Variants in FBXO8 observed in about 807,000 individuals in gnomAD.
FBXO8 encodes F-box only protein 8.
FBXO8 carries 15 observed loss-of-function variants against 33.4 expected under a neutral mutation model. The observed-to-expected ratio is 0.45, with a 90% CI of 0.30 to 0.69. FBXO8 has a LOEUF of 0.69. Ranked by LOEUF, FBXO8 falls within the 30% of genes least tolerant of loss-of-function variation. The pLI is 0.08. For synonymous variants in FBXO8, 132 were observed against 131.5 expected (o/e 1.00, Z -0.02); for missense variants, 274 against 380.3 (o/e 0.72, Z 2.32).
intron 4 of FBXO8, among the ~76,000 whole-genome samples, chr4:174,239,565 T>A (rs370967897): frequency 3.1e-4 from 47 of 152,038 alleles, no homozygotes; most frequent in African/African-American, 1.1e-3. Flanking sequence ...GTAATGACAG[T>A]CTCCACCTAT....
chr4:174,254,215 G>T lies in FBXO8; in HGVS notation c.456+5484C>A, dbSNP rs1367437186. Among the ~76,000 whole-genome samples, 1 of 152,152 alleles carries T rather than the reference G, an allele frequency of 6.6e-6. No individual in the cohort carries two copies. The highest frequency in any genetic ancestry group is 1.9e-4 in the East Asian group (1 of 5,190). On this transcript the variant is annotated intron_variant, in intron 3 of 5. Coordinates refer to ENST00000393674, the MANE Select transcript of FBXO8 (RefSeq NM_012180.3). This position sits in a 1 kb window ranked among gnomAD's most constrained non-coding sequence, Gnocchi z 4.2. ...AGATCTTAGTTTATATCACAGCCAA[G>T]AATTAGAATTTCGAGTTTATCTTTC... is the stretch of plus-strand genomic sequence containing the variant.
At chr4:174,249,933 G>C (rs565898647) in intron 3 of FBXO8, among the ~76,000 whole-genome samples, 49 of 152,060 alleles carry the variant, frequency 3.2e-4, no homozygotes, top group African/African-American at 1.2e-3. Context: ...AGGACCATTC[G>C]TCAGGTGTCA....
intron 3 of FBXO8, among the ~76,000 whole-genome samples, chr4:174,246,904 C>T (rs1418836865): frequency 6.6e-6 from 1 of 151,848 alleles, no homozygotes; most frequent in African/African-American, 2.4e-5. Context: ...GATTCTTGGG[C>T]AAAGTGGTGA....
At chr4:174,249,871 G>A (rs1293533694) in intron 3 of FBXO8, among the ~76,000 whole-genome samples, 1 of 151,882 alleles carries the variant, frequency 6.6e-6, no homozygotes, top group East Asian at 1.9e-4. Flanking sequence ...TAAAGACAAA[G>A]GGTATCATTT....
At chr4:174,242,770 C>T (rs1198753388) in intron 3 of FBXO8, among the ~76,000 whole-genome samples, 2 of 151,458 alleles carry the variant, frequency 1.3e-5, no homozygotes, top group African/African-American at 4.8e-5. Flanking sequence ...TCCTTTCCTC[C>T]ATTAGTTTGA....
intron 4 of FBXO8, among the ~76,000 whole-genome samples, chr4:174,239,538 T>C (rs1352939621): frequency 6.6e-6 from 1 of 151,930 alleles, no homozygotes; most frequent in Admixed American, 6.6e-5. Flanking sequence ...GAATTGTTTA[T>C]TTTTCAAATT....
intron 3 of FBXO8, among the ~76,000 whole-genome samples, chr4:174,244,920 C>T (rs577953816): frequency 7.9e-4 from 120 of 151,722 alleles, no homozygotes; most frequent in African/African-American, 2.8e-3. Context: ...ATTCACTTTA[C>T]ATTTAGATAG....
intron 1 of FBXO8, among the ~76,000 whole-genome samples, chr4:174,280,008 T>TA (rs199672746): frequency 7.9e-4 from 119 of 150,626 alleles, no homozygotes; most frequent in African/African-American, 2.6e-3. Context: ...TTATGAAAAT[T>TA]AAAAAAAAAT....
chr4:174,259,698 C>A lies in FBXO8; in HGVS notation c.456+1G>T. 1 of 1,608,058 alleles carries A rather than the reference C, an allele frequency of 6.2e-7. No individual in the cohort carries two copies. Among genetic ancestry groups the A allele is most frequent in the Non-Finnish European group, 8.5e-7 (1 of 1,177,810 alleles). On this transcript the variant is annotated splice_donor_variant, in intron 3 of 5. Coordinates refer to ENST00000393674, the MANE Select transcript of FBXO8 (RefSeq NM_012180.3). LOFTEE classifies it high-confidence loss of function. This position sits in a 1 kb window ranked among gnomAD's most constrained non-coding sequence, Gnocchi z 4.3. ...TACAAATATTCAAGTTCTTCACTAA[C>A]CTCATCTGGGTTGGCATTAAAGGTG...
At position 174,272,166 on chromosome 4, in the gene FBXO8, C is replaced by T. The variant is rs1161918420; in HGVS notation, c.-8-9066G>A. Reference sequence around the variant, plus strand: ...AGGCTTCTATTGGCCAAACCTGGAACATCAAAATAAAAATGACAGTAATGA... The same window carrying T: ...AGGCTTCTATTGGCCAAACCTGGAATATCAAAATAAAAATGACAGTAATGA... On this transcript the variant is annotated intron_variant, in intron 1 of 5. Coordinates refer to ENST00000393674, the MANE Select transcript of FBXO8 (RefSeq NM_012180.3). The surrounding 1 kb of genome is among the most constrained non-coding windows in gnomAD (Gnocchi z 4.7). Among the ~76,000 whole-genome samples, 1 of 152,176 alleles carries T rather than the reference C, an allele frequency of 6.6e-6. No individual in the cohort carries two copies. The highest frequency in any genetic ancestry group is 1.5e-5 in the Non-Finnish European group (1 of 68,020).
At chr4:174,250,006 G>A (rs1221713349) in intron 3 of FBXO8, among the ~76,000 whole-genome samples, 1 of 151,958 alleles carries the variant, frequency 6.6e-6, no homozygotes, top group Admixed American at 6.6e-5. Context: ...CTAGAACAGT[G>A]CCTGGTTCTT....
At position 174,265,866 on chromosome 4, in the gene FBXO8, C is replaced by G. The variant is rs767192249; in HGVS notation, c.-8-2766G>C. On this transcript the variant is annotated intron_variant, in intron 1 of 5. Coordinates refer to ENST00000393674, the MANE Select transcript of FBXO8 (RefSeq NM_012180.3). This position sits in a 1 kb window ranked among gnomAD's most constrained non-coding sequence, Gnocchi z 4.7. ...TCACCATTGCTATTCCTCTATTTAA[C>G]TTAGCAAGAAAATATCTAGAAATCA... 6.6e-6 allele frequency among the ~76,000 whole-genome samples: 1 copy of G among 152,108 alleles called. No individual in the cohort carries two copies. The highest frequency in any genetic ancestry group is 1.9e-4 in the East Asian group (1 of 5,194).
chr4:174,266,746 GTT>G (rs1736705055), intron 1 of FBXO8, among the ~76,000 whole-genome samples: 1 of 152,054 alleles, frequency 6.6e-6, no homozygotes, highest in African/African-American at 2.4e-5. Flanking sequence ...CTGAGCTTTA[GTT>G]TCTTCATGTA....
chr4:174,248,152 A>T (rs910036622), intron 3 of FBXO8, among the ~76,000 whole-genome samples: 1 of 151,992 alleles, frequency 6.6e-6, no homozygotes, highest in Non-Finnish European at 1.5e-5. Context: ...CTACCCACTA[A>T]ATTTTGTAAT....
Position 174,253,106 on chromosome 4 carries a change from AACTCTGG to A in FBXO8, c.456+6586_456+6592del, listed in dbSNP as rs1736333012. Among the ~76,000 whole-genome samples the A allele has an allele frequency of 6.6e-6, 1 of 152,208 alleles. No individual in the cohort carries two copies. The highest frequency in any genetic ancestry group is 1.5e-5 in the Non-Finnish European group (1 of 68,024). ...AGCTTGGAATAAAGAATCCATATTC[AACTCTGG>A]ACCCTAGGAATGAGCCAGCCACACA... On this transcript the variant is annotated intron_variant, in intron 3 of 5. Transcript: ENST00000393674. This position sits in a 1 kb window ranked among gnomAD's most constrained non-coding sequence, Gnocchi z 4.5.
chr4:174,250,507 A>G (rs988470457), intron 3 of FBXO8, among the ~76,000 whole-genome samples: 2 of 152,144 alleles, frequency 1.3e-5, no homozygotes, highest in Non-Finnish European at 2.9e-5. Flanking sequence ...CTTTGATGCT[A>G]TATTTAACTG....
chr4:174,241,242 A>G lies in FBXO8; in HGVS notation c.457-24T>C, dbSNP rs547873797. ...CCCTAAGGCAGAAAGACAAGTCTAC[A>G]TAAATAAAATTGCTCTTTATTTATG... On this transcript the variant is annotated intron_variant, in intron 3 of 5. Transcript: ENST00000393674. The surrounding 1 kb of genome is among the most constrained non-coding windows in gnomAD (Gnocchi z 4.2). The G allele has an allele frequency of 7.3e-7, 1 of 1,376,490 alleles. No homozygotes were observed. Among genetic ancestry groups the G allele is most frequent in the South Asian group, 1.2e-5 (1 of 80,454 alleles). 85.3% of individuals were successfully genotyped at this position (1,376,490 alleles called of 1,614,324 possible).
At position 174,283,633 on chromosome 4, in the gene FBXO8, T is replaced by G. The variant is rs1365325618; in HGVS notation, c.-232A>C. On this transcript the variant is annotated 5_prime_UTR_variant, in exon 1 of 6. Transcript: ENST00000393674. This position sits in a 1 kb window ranked among gnomAD's most constrained non-coding sequence, Gnocchi z 6.7. ...TACCTCCAGCTGCAGGGGCCAGAAC[T>G]GCCGACTATCCCAATTTTGACGTTT... 8.3e-6 allele frequency: 3 copies of G among 361,516 alleles called. No homozygotes were observed. Among genetic ancestry groups the G allele is most frequent in the Non-Finnish European group, 1.5e-5 (3 of 203,504 alleles). The allele number at this position is 361,516 out of a possible 1,614,324, so 22.4% of individuals were successfully genotyped here. A position where few individuals can be genotyped will look rare whatever the true frequency, so the allele number is the denominator to read the frequency against.
chr4:174,243,988 T>C (rs1410995083), intron 3 of FBXO8, among the ~76,000 whole-genome samples: 1 of 151,506 alleles, frequency 6.6e-6, no homozygotes, highest in East Asian at 1.9e-4. Context: ...GTAGAATTCA[T>C]GTTATGTAAG....
Sources: allele counts gnomAD v4.1 joint callset (sites outside exome capture counted in the v4.1 genomes callset), GRCh38; gene constraint gnomAD v4.1.1; non-coding constraint Gnocchi (gnomAD v3.1); transcripts MANE v1.5; gene names NCBI Gene and HGNC (gene_info 2026-07-23, HGNC 2026-07-21).